Variants in ANKRD27 observed in about 807,000 individuals in gnomAD.
ANKRD27 encodes ankyrin repeat domain-containing protein 27.
Under a neutral mutation model 129.7 loss-of-function variants are expected in ANKRD27, and 112 were observed. The ratio of observed to expected loss-of-function variants is 0.86; its 90% confidence interval spans 0.74 to 1.01. The LOEUF is 1.01. ANKRD27 is among the 50% of genes least tolerant of loss of function. The pLI is 0.00. For missense variants in ANKRD27, 1,258 were observed against 1,300.5 expected, an observed-to-expected ratio of 0.97 and a Z score of 0.50; for synonymous variants, 516 against 511.2, an observed-to-expected ratio of 1.01 and a Z score of -0.13.
chr19:32,621,325 T>G lies in ANKRD27; in HGVS notation c.1827+1097A>C, dbSNP rs73571606. Reference sequence around the variant, plus strand: ...ACTAAGATCTCATCTCTATTACTTTTCTAAAATCATATATTTTGGGGCTGG... The same window carrying G: ...ACTAAGATCTCATCTCTATTACTTTGCTAAAATCATATATTTTGGGGCTGG... On this transcript the variant is annotated intron_variant, in intron 18 of 28. Coordinates refer to ENST00000306065, the MANE Select transcript of ANKRD27 (RefSeq NM_032139.3). 1.4e-3 allele frequency among the ~76,000 whole-genome samples: 217 copies of G among 152,168 alleles called. 1 individual carries two copies. The highest frequency in any genetic ancestry group is 5.0e-3 in the African/African-American group (208 of 41,530).
At chr19:32,646,314 G>A (rs868100110) in intron 4 of ANKRD27, 145 bp downstream of exon 4, 1 of 671,324 alleles carries the variant, frequency 1.5e-6, no homozygotes, top group African/African-American at 1.8e-5. Flanking sequence ...AGTGATCCTT[G>A]TGCCTCGGCC....
chr19:32,662,078 C>T (rs1051682659), intron 1 of ANKRD27, among the ~76,000 whole-genome samples: 7 of 151,840 alleles, frequency 4.6e-5, no homozygotes, highest in Non-Finnish European at 7.4e-5. Context: ...TTTGGAAGGC[C>T]GAGGCAGGCA....
chr19:32,621,260 T>C (rs952904454), intron 18 of ANKRD27, among the ~76,000 whole-genome samples: 3 of 152,122 alleles, frequency 2.0e-5, no homozygotes, highest in African/African-American at 7.2e-5. Flanking sequence ...GGTGAGAGGA[T>C]CACTTGAGGC....
chr19:32,653,594 T>C (rs945226777), intron 2 of ANKRD27, among the ~76,000 whole-genome samples: 1 of 152,098 alleles, frequency 6.6e-6, no homozygotes, highest in African/African-American at 2.4e-5. Context: ...ATTTGAAATC[T>C]GGGTGAGCAC....
At chr19:32,618,127 G>A (rs1971950077) in intron 20 of ANKRD27, among the ~76,000 whole-genome samples, 1 of 140,156 alleles carries the variant, frequency 7.1e-6, no homozygotes, top group Non-Finnish European at 1.6e-5. Flanking sequence ...GCTGGTGTGC[G>A]CAGAACCCAC....
At chr19:32,630,262 G>A (rs1047856655) in intron 13 of ANKRD27, among the ~76,000 whole-genome samples, 5 of 152,148 alleles carry the variant, frequency 3.3e-5, no homozygotes, top group Non-Finnish European at 5.9e-5. Context: ...ACCCACTCTG[G>A]CTCCAGGTCG....
intron 12 of ANKRD27, among the ~76,000 whole-genome samples, chr19:32,632,015 G>A (rs943874487): frequency 7.2e-5 from 11 of 152,206 alleles, no homozygotes; most frequent in African/African-American, 1.9e-4. Flanking sequence ...ATGGCCAGGC[G>A]CAGTGGCTCA....
intron 6 of ANKRD27, 40 bp downstream of exon 6, chr19:32,643,532 G>A (rs780495709): frequency 2.5e-6 from 4 of 1,613,766 alleles, no homozygotes; most frequent in Non-Finnish European, 3.4e-6. Flanking sequence ...TTGCATGGGG[G>A]TGCACCACAA....
chr19:32,599,508 T>C (rs1179921043), intron 28 of ANKRD27, among the ~76,000 whole-genome samples, 196 bp downstream of exon 28: 1 of 152,268 alleles, frequency 6.6e-6, no homozygotes, highest in Non-Finnish European at 1.5e-5. Flanking sequence ...CTCAGAAATG[T>C]ACTTTTAGTT....
At chr19:32,671,343 T>C (rs1967866899) in intron 1 of ANKRD27, among the ~76,000 whole-genome samples, 1 of 152,050 alleles carries the variant, frequency 6.6e-6, no homozygotes, top group Admixed American at 6.6e-5. Flanking sequence ...AGAGTTGAAT[T>C]CTTACATAAG....
chr19:32,606,676 G>T (rs565580523), intron 23 of ANKRD27, among the ~76,000 whole-genome samples: 2 of 133,034 alleles, frequency 1.5e-5, no homozygotes, highest in African/African-American at 5.3e-5. Context: ...TACAGATTAG[G>T]AAAGCCATGC....
At chr19:32,644,628 C>A in intron 4 of ANKRD27, 149 bp from the exon 5 acceptor site, 1 of 934,836 alleles carries the variant, frequency 1.1e-6, no homozygotes, top group Non-Finnish European at 1.6e-6. Flanking sequence ...ACAGGACACC[C>A]TGGAGTCCAG....
intron 10 of ANKRD27, among the ~76,000 whole-genome samples, chr19:32,641,703 T>C (rs1967202925): frequency 6.6e-6 from 1 of 151,986 alleles, no homozygotes; most frequent in Non-Finnish European, 1.5e-5. Flanking sequence ...TCATCCCTTA[T>C]CTACACATAC....
chr19:32,672,341 T>G (rs995185902), intron 1 of ANKRD27, among the ~76,000 whole-genome samples: 2 of 152,252 alleles, frequency 1.3e-5, no homozygotes, highest in African/African-American at 4.8e-5. Flanking sequence ...CCTCCTGACC[T>G]ATAACATTTA....
At chr19:32,628,402 C>T (rs904694808) in intron 14 of ANKRD27, among the ~76,000 whole-genome samples, 4 of 152,204 alleles carry the variant, frequency 2.6e-5, no homozygotes, top group Non-Finnish European at 5.9e-5. Flanking sequence ...AATAGCCTGA[C>T]AAGGATAATG....
In ANKRD27 at chr19:32,605,831, T is replaced by C; in HGVS notation, c.2493+4A>G. 1 of 1,613,406 alleles carries C rather than the reference T, an allele frequency of 6.2e-7. No homozygotes were observed. The highest frequency in any genetic ancestry group is 2.2e-5 in the East Asian group (1 of 44,842). On this transcript the variant is annotated splice_donor_region_variant and intron_variant, in intron 24 of 28. Coordinates refer to ENST00000306065, the MANE Select transcript of ANKRD27 (RefSeq NM_032139.3). ...GTAGAATGAGGACAGGAAGGGGCCC[T>C]CACCTGTAGCAGCAGTGCCACAAGC...
In ANKRD27 at chr19:32,621,687, C is replaced by T. The variant is rs1015657310; in HGVS notation, c.1827+735G>A. ...AGGCAGAAAGTCAGGCCTGTACAAA[C>T]GGGGCTCCCCTAGAGACCTGGAGTG... is the stretch of plus-strand genomic sequence containing the variant. On this transcript the variant is annotated intron_variant, in intron 18 of 28. Coordinates refer to ENST00000306065, the MANE Select transcript of ANKRD27 (RefSeq NM_032139.3). Among the ~76,000 whole-genome samples, 66 of 152,306 alleles carry T rather than the reference C, an allele frequency of 4.3e-4. 1 individual carries two copies. Among genetic ancestry groups the T allele is most frequent in the Non-Finnish European group, 1.6e-4 (11 of 68,024 alleles).
Position 32,615,665 on chromosome 19 carries a change from G to A in ANKRD27, c.2168C>T (p.Ala723Val), listed in dbSNP as rs1254771656. 6.2e-7 allele frequency: 1 copy of A among 1,614,168 alleles called. No individual in the cohort carries two copies. The highest frequency in any genetic ancestry group is 8.5e-7 in the Non-Finnish European group (1 of 1,180,040). The change falls in exon 22 of 29, where the codon GCT (alanine) becomes GTT (valine). Residue 723 changes from alanine to valine, a missense_variant. Transcript: ENST00000306065. ...ACAGAAACAAAGCCAAACCTTCTGA[G>A]CTGGGGCACACTTGGGGCACTGGCA... ...PLCQCPKCAP[A>V]QKRLAKVPAS...
intron 23 of ANKRD27, among the ~76,000 whole-genome samples, chr19:32,607,007 T>C (rs1027095377): frequency 1.8e-4 from 25 of 138,456 alleles, no homozygotes; most frequent in African/African-American, 6.7e-4. Context: ...GGTGCACGCC[T>C]GTGGTCCCAG....
Sources: allele counts gnomAD v4.1 joint callset (sites outside exome capture counted in the v4.1 genomes callset), GRCh38; gene constraint gnomAD v4.1.1; transcripts MANE v1.5; gene names NCBI Gene and HGNC (gene_info 2026-07-23, HGNC 2026-07-21).